TPO: variants seen among roughly 807,000 people sequenced by gnomAD.
TPO encodes the protein thyroid microsomal antigen.
In TPO, 78 loss-of-function variants were observed where a neutral mutation model predicts 96.9. The ratio of observed to expected loss-of-function variants is 0.81; its 90% confidence interval spans 0.67 to 0.97. The LOEUF (loss-of-function observed/expected upper bound fraction) is 0.97, where lower values mean the gene tolerates loss of function less well. Ranked by LOEUF, TPO falls within the 50% of genes least tolerant of loss-of-function variation. The pLI, the probability that TPO is intolerant of heterozygous loss-of-function variation, is 0.00. For missense variants in TPO, 1,252 were observed against 1,274.8 expected, an observed-to-expected ratio of 0.98 and a Z score of 0.27; for synonymous variants, 547 against 538.0, an observed-to-expected ratio of 1.02 and a Z score of -0.23.
chr2:1,384,604 A>G (rs1661858706), intron 1 of TPO, among the ~76,000 whole-genome samples: 1 of 152,024 alleles, frequency 6.6e-6, no homozygotes, highest in Non-Finnish European at 1.5e-5. Context: ...GCTTAAGGAG[A>G]TTTTGGGCTG....
intron 3 of TPO, among the ~76,000 whole-genome samples, chr2:1,428,226 G>A (rs568607295): frequency 3.7e-4 from 56 of 152,322 alleles, no homozygotes; most frequent in Admixed American, 1.6e-3. Context: ...GGGCTGGGCT[G>A]CAAACTGTCT....
intron 7 of TPO, among the ~76,000 whole-genome samples, chr2:1,460,308 A>C (rs1668304381): frequency 6.6e-6 from 1 of 152,112 alleles, no homozygotes; most frequent in Non-Finnish European, 1.5e-5. Flanking sequence ...GATCTTGCAG[A>C]AGTACCTGTA....
intron 1 of TPO, among the ~76,000 whole-genome samples, chr2:1,389,076 G>A (rs1475738594): frequency 1.3e-5 from 2 of 152,058 alleles, no homozygotes. Flanking sequence ...AATCTCTGGG[G>A]GAAAAACAAC....
chr2:1,438,949 C>T (rs1346354088), intron 5 of TPO: 1 of 688,382 alleles, frequency 1.5e-6, no homozygotes, highest in African/African-American at 1.8e-5. Flanking sequence ...TCTACATCCA[C>T]CTGCAAAGCC....
intron 15 of TPO, among the ~76,000 whole-genome samples, chr2:1,529,275 TCCC>T (rs1185106203): frequency 4.8e-5 from 2 of 41,814 alleles, no homozygotes; most frequent in Admixed American, 3.4e-4. Flanking sequence ...CCTCCTCAAA[TCCC>T]CCCACTGTGT....
chr2:1,525,321 T>C (rs1209032248), intron 15 of TPO, among the ~76,000 whole-genome samples: 1 of 47,508 alleles, frequency 2.1e-5, no homozygotes, highest in Non-Finnish European at 4.1e-5. Flanking sequence ...ACTGTGTGCC[T>C]CCTCAAATCC....
chr2:1,482,268 C>T (rs116760113), intron 8 of TPO, among the ~76,000 whole-genome samples: 2,127 of 152,302 alleles, frequency 0.014, 54 homozygotes, highest in African/African-American at 0.049. Flanking sequence ...GTCACCTTCA[C>T]GCCCATCATT....
intron 13 of TPO, among the ~76,000 whole-genome samples, chr2:1,496,979 C>T (rs1406392660): frequency 1.3e-5 from 2 of 152,086 alleles, no homozygotes; most frequent in African/African-American, 2.4e-5. Flanking sequence ...AGGACAGGCA[C>T]GTGGAATCGT....
chr2:1,507,010 G>T (rs1338078476), intron 14 of TPO, among the ~76,000 whole-genome samples: 1 of 151,854 alleles, frequency 6.6e-6, no homozygotes, highest in Non-Finnish European at 1.5e-5. Context: ...GGGTTTTTAT[G>T]GTTTTAGGTC....
intron 1 of TPO, among the ~76,000 whole-genome samples, chr2:1,385,415 A>G (rs1165550431): frequency 6.6e-6 from 1 of 152,158 alleles, no homozygotes; most frequent in Non-Finnish European, 1.5e-5. Flanking sequence ...AAGAGATTCA[A>G]CTTCATCCTG....
intron 2 of TPO, among the ~76,000 whole-genome samples, chr2:1,418,309 G>C (rs1169959081): frequency 6.6e-6 from 1 of 151,238 alleles, no homozygotes; most frequent in East Asian, 1.9e-4. Flanking sequence ...AAGAGAGAGA[G>C]AGAAAAAAAG....
At chr2:1,405,084 C>T (rs546787997) in intron 1 of TPO, among the ~76,000 whole-genome samples, 55 of 133,374 alleles carry the variant, frequency 4.1e-4, no homozygotes, top group Admixed American at 8.1e-4. Context: ...AGTCATCCAT[C>T]GGCCCATTCA....
At chr2:1,406,014 T>C (rs778877578) in intron 1 of TPO, among the ~76,000 whole-genome samples, 6 of 152,234 alleles carry the variant, frequency 3.9e-5, no homozygotes, top group African/African-American at 7.2e-5. Context: ...CAACATTATT[T>C]CATTTTTAGT....
chr2:1,415,384 G>GACACAGTC (rs1379915763), intron 2 of TPO, among the ~76,000 whole-genome samples: 2 of 124,038 alleles, frequency 1.6e-5, no homozygotes, highest in Non-Finnish European at 3.3e-5. Context: ...TGGGCCTCTG[G>GACACAGTC]ACACAGTCTC....
chr2:1,422,388 C>CTCTCCTGGACAGACT (rs1573110964), intron 2 of TPO, among the ~76,000 whole-genome samples: 1 of 152,032 alleles, frequency 6.6e-6, no homozygotes, highest in Non-Finnish European at 1.5e-5. Context: ...GTGCAGGCGC[C>CTCTCCTGGACAGACT]GCGCTGGGCC....
intron 14 of TPO, among the ~76,000 whole-genome samples, chr2:1,505,289 C>G (rs900507447): frequency 6.6e-6 from 1 of 150,634 alleles, no homozygotes; most frequent in African/African-American, 2.4e-5. Context: ...GCGCACCCCA[C>G]TATCCTATAT....
chr2:1,414,402 T>C lies in TPO; in HGVS notation c.-1-6T>C. The C allele has an allele frequency of 6.2e-7, 1 of 1,612,682 alleles. No individual in the cohort carries two copies. Among genetic ancestry groups the C allele is most frequent in the Non-Finnish European group, 8.5e-7 (1 of 1,179,370 alleles). The stretch of plus-strand genomic sequence containing the variant: ...TACATACTCTGTCTCCTTCCGTTAA[T>C]TTTAGAATGAGAGCGCTCGCTGTGC... On this transcript the variant is annotated splice_polypyrimidine_tract_variant and splice_region_variant and intron_variant, in intron 1 of 16. Coordinates refer to ENST00000329066, the MANE Select transcript of TPO (RefSeq NM_001206744.2).
chr2:1,531,913 T>TCCCCCC (rs1558426802), intron 15 of TPO, among the ~76,000 whole-genome samples: 4 of 84,748 alleles, frequency 4.7e-5, no homozygotes, highest in Admixed American at 1.3e-4. Context: ...CCTCCTCAAA[T>TCCCCCC]CACCCCCACT....
chr2:1,484,551 T>G (rs1182451457), intron 8 of TPO, 45 bp from the exon 9 acceptor site: 2 of 1,613,416 alleles, frequency 1.2e-6, no homozygotes, highest in Non-Finnish European at 1.7e-6. Flanking sequence ...GCGACCCTCC[T>G]CTGGTATCCT....
Sources: gnomAD v4.1 joint callset for allele counts (sites outside exome capture counted in the v4.1 genomes callset) on GRCh38, gnomAD v4.1.1 for gene constraint, MANE v1.5 for transcripts, NCBI Gene and HGNC (gene_info 2026-07-23, HGNC 2026-07-21) for gene names.